The following PRDM16 variants were observed in gnomAD, a reference collection of about 807,000 sequenced individuals.
PRDM16 encodes histone-lysine N-methyltransferase PRDM16.
A neutral mutation model predicts 110.6 loss-of-function variants in PRDM16; 23 were observed. The observed-to-expected ratio is 0.21, with a 90% CI of 0.15 to 0.29. PRDM16 has a LOEUF of 0.29. Ranked by LOEUF, PRDM16 falls within the 10% of genes least tolerant of loss-of-function variation. The pLI, the probability that PRDM16 is intolerant of heterozygous loss-of-function variation, is 1.00. For missense variants in PRDM16, 1,615 were observed against 1,794.3 expected (o/e 0.90, Z 1.81); for synonymous variants, 799 against 781.8 (o/e 1.02, Z -0.37).
chr1:3,366,263 C>T (rs1450591346), intron 3 of PRDM16, among the ~76,000 whole-genome samples: 2 of 152,254 alleles, frequency 1.3e-5, no homozygotes, highest in East Asian at 3.9e-4. Flanking sequence ...CGCTCGCAGA[C>T]TAGACAGGCT....
At chr1:3,114,854 T>C (rs1454883721) in intron 1 of PRDM16, among the ~76,000 whole-genome samples, 1 of 152,252 alleles carries the variant, frequency 6.6e-6, no homozygotes, top group East Asian at 1.9e-4. Context: ...TCCCAGATGT[T>C]GTGGGAAGGG....
At position 3,154,371 on chromosome 1, in the gene PRDM16, G is replaced by A. The variant is rs139813489; in HGVS notation, c.38-31754G>A. Among the ~76,000 whole-genome samples, 166 of 152,290 alleles carry A rather than the reference G, an allele frequency of 1.1e-3. 1 individual carries two copies. Among genetic ancestry groups the A allele is most frequent in the African/African-American group, 3.8e-3 (159 of 41,562 alleles). ...ACAGGAGGCGACGGAGCTGCCTGTC[G>A]CTGTGGCAGCTTTGCACATTCTATA... On this transcript the variant is annotated intron_variant, in intron 1 of 16. Transcript: ENST00000270722.
At chr1:3,247,612 C>G (rs1466482801) in intron 3 of PRDM16, among the ~76,000 whole-genome samples, 1 of 152,246 alleles carries the variant, frequency 6.6e-6, no homozygotes, top group Non-Finnish European at 1.5e-5. Flanking sequence ...CTCCCGCGTT[C>G]CCTCTGTCTC....
At chr1:3,197,627 C>T (rs1638512741) in intron 2 of PRDM16, among the ~76,000 whole-genome samples, 1 of 152,216 alleles carries the variant, frequency 6.6e-6, no homozygotes, top group Admixed American at 6.5e-5. Context: ...AGATCATTTG[C>T]GCTTGAGATC....
At chr1:3,391,476 A>G (rs1446493920) in intron 4 of PRDM16, among the ~76,000 whole-genome samples, 1 of 152,208 alleles carries the variant, frequency 6.6e-6, no homozygotes, top group Non-Finnish European at 1.5e-5. Flanking sequence ...AGACGAAGCT[A>G]TTTAAGAATG....
chr1:3,405,780 C>G, intron 8 of PRDM16, 132 bp downstream of exon 8: 1 of 872,894 alleles, frequency 1.1e-6, no homozygotes, highest in Non-Finnish European at 1.7e-6. Context: ...GCACTCATGG[C>G]AGGTTCTGAC....
intron 1 of PRDM16, among the ~76,000 whole-genome samples, chr1:3,149,114 AC>A (rs1241240813): frequency 6.6e-6 from 1 of 152,166 alleles, no homozygotes; most frequent in Non-Finnish European, 1.5e-5. Flanking sequence ...AGAGATGGAA[AC>A]AGTGGGGGAC....
intron 3 of PRDM16, among the ~76,000 whole-genome samples, chr1:3,276,298 G>A (rs532542918): frequency 3.5e-4 from 53 of 152,348 alleles, no homozygotes; most frequent in African/African-American, 1.1e-3. Context: ...CATTGGGCCC[G>A]CGGTGGGAGT....
At position 3,350,417 on chromosome 1, in the gene PRDM16, C is replaced by G. The variant is rs1223934296; in HGVS notation, c.439-34735C>G. Among the ~76,000 whole-genome samples the G allele has an allele frequency of 6.6e-6, 1 of 152,222 alleles. No homozygotes were observed. Among genetic ancestry groups the G allele is most frequent in the Admixed American group, 6.5e-5 (1 of 15,290 alleles). ...CCTTGAAGCCACCCCCTCTTTCCCT[C>G]CTGGGCTCTACTGCTCCGTCTGTGC... On this transcript the variant is annotated intron_variant, in intron 3 of 16. Coordinates refer to ENST00000270722, the MANE Select transcript of PRDM16 (RefSeq NM_022114.4). This position sits in a 1 kb window ranked among gnomAD's most constrained non-coding sequence, Gnocchi z 7.1.
intron 9 of PRDM16, among the ~76,000 whole-genome samples, chr1:3,413,719 C>T (rs541065852): frequency 6.6e-6 from 1 of 152,118 alleles, no homozygotes; most frequent in African/African-American, 2.4e-5. Context: ...GGGAAAGAGG[C>T]TCCCAAATCT....
In PRDM16 at chr1:3,382,947, G is replaced by A. The variant is rs1019386493; in HGVS notation, c.439-2205G>A. ...CCAGCTGTGCTCCTGCTACTCCATC[G>A]TTTGTATATTGAGCATCCCCCCGCC... is the stretch of plus-strand genomic sequence containing the variant. On this transcript the variant is annotated intron_variant, in intron 3 of 16. Coordinates refer to ENST00000270722, the MANE Select transcript of PRDM16 (RefSeq NM_022114.4). The surrounding 1 kb of genome is among the most constrained non-coding windows in gnomAD (Gnocchi z 6.6). Among the ~76,000 whole-genome samples, 8 of 152,218 alleles carry A rather than the reference G, an allele frequency of 5.3e-5. No homozygotes were observed. The highest frequency in any genetic ancestry group is 8.8e-5 in the Non-Finnish European group (6 of 68,036).
intron 1 of PRDM16, among the ~76,000 whole-genome samples, chr1:3,093,717 C>G (rs989468154): frequency 1.3e-5 from 2 of 152,204 alleles, no homozygotes; most frequent in African/African-American, 4.8e-5. Context: ...GGAGGGACCC[C>G]TGCAGCGGAG....
intron 2 of PRDM16, among the ~76,000 whole-genome samples, chr1:3,195,570 T>A (rs200148999): frequency 6.6e-6 from 1 of 151,948 alleles, no homozygotes; most frequent in African/African-American, 2.4e-5. Context: ...ATTTTGCCAA[T>A]CGCATCCCAC....
intron 1 of PRDM16, among the ~76,000 whole-genome samples, chr1:3,172,989 G>A (rs569149398): frequency 1.3e-5 from 2 of 152,336 alleles, no homozygotes; most frequent in East Asian, 1.9e-4. Context: ...ACGCTGTCAC[G>A]ATGCCAGATC....
In PRDM16 at chr1:3,425,845, G is replaced by C; in HGVS notation, c.3109+95G>C. 1.3e-6 allele frequency: 2 copies of C among 1,486,182 alleles called. No homozygotes were observed. The highest frequency in any genetic ancestry group is 1.8e-6 in the Non-Finnish European group (2 of 1,087,288). The allele number at this position is 1,486,182 out of a possible 1,614,324, so 92.1% of individuals were successfully genotyped here. ...ACAGCAGGGGAGTGGGCGCCGGGCA[G>C]GGAAGAGGGCCACAGACTACCCCTC... On this transcript the variant is annotated intron_variant, in intron 13 of 16. Coordinates refer to ENST00000270722, the MANE Select transcript of PRDM16 (RefSeq NM_022114.4). This position sits in a 1 kb window ranked among gnomAD's most constrained non-coding sequence, Gnocchi z 6.9.
intron 3 of PRDM16, among the ~76,000 whole-genome samples, chr1:3,315,674 A>G (rs74482069): frequency 2.2e-4 from 33 of 152,170 alleles, no homozygotes; most frequent in Non-Finnish European, 3.8e-4. Context: ...TTTACTTTAC[A>G]TGAAAACTGA....
At chr1:3,233,917 T>G (rs1488304432) in intron 2 of PRDM16, among the ~76,000 whole-genome samples, 1 of 150,480 alleles carries the variant, frequency 6.6e-6, no homozygotes, top group African/African-American at 2.5e-5. Context: ...TGGGGGGAAA[T>G]TCTATGAACT....
chr1:3,087,240 A>G (rs1642171023), intron 1 of PRDM16, among the ~76,000 whole-genome samples: 1 of 110,570 alleles, frequency 9.0e-6, no homozygotes, highest in Non-Finnish European at 1.8e-5. Context: ...GACCAGCCCC[A>G]CCGGAGACCA....
intron 3 of PRDM16, among the ~76,000 whole-genome samples, chr1:3,378,487 C>T (rs1013164237): frequency 6.6e-6 from 1 of 152,180 alleles, no homozygotes; most frequent in African/African-American, 2.4e-5. Flanking sequence ...GCACACGGGG[C>T]AGCCATGGCA....
Sources: allele counts gnomAD v4.1 joint callset (sites outside exome capture counted in the v4.1 genomes callset), GRCh38; gene constraint gnomAD v4.1.1; non-coding constraint Gnocchi (gnomAD v3.1); transcripts MANE v1.5; gene names NCBI Gene and HGNC (gene_info 2026-07-23, HGNC 2026-07-21).